Variants in MYBPC1 observed in about 807,000 individuals in gnomAD.
MYBPC1 encodes myosin-binding protein C, slow-type.
A neutral mutation model predicts 147.1 loss-of-function variants in MYBPC1; 52 were observed. The observed-to-expected ratio is 0.35, with a 90% confidence interval of 0.28 to 0.45. MYBPC1 has a LOEUF of 0.45. Among genes scored for constraint, MYBPC1 ranks in the 20% least tolerant of loss-of-function variants. MYBPC1 has a pLI of 1.00. For missense variants in MYBPC1, 1,228 were observed against 1,440.3 expected, an observed-to-expected ratio of 0.85 and a Z score of 2.39; for synonymous variants, 477 against 475.9, an observed-to-expected ratio of 1.00 and a Z score of -0.03.
intron 6 of MYBPC1, 93 bp downstream of exon 6, chr12:101,629,637 TC>T: frequency 1.2e-6 from 1 of 860,120 alleles, no homozygotes; most frequent in Non-Finnish European, 1.9e-6. Context: ...CTCTGGGAGG[TC>T]CAGACAGGCA....
At position 101,646,999 on chromosome 12, in the gene MYBPC1, A is replaced by T. The variant is rs1893299741; in HGVS notation, c.1090+112A>T. ...TCCTCTACACTGGCAGCTATTATGG[A>T]TCCTAATGAGTCTTCTGGTTTGTTG... is the stretch of plus-strand genomic sequence containing the variant. On this transcript the variant is annotated intron_variant, in intron 13 of 31. Transcript: ENST00000361466. 50 of 1,374,146 alleles carry T rather than the reference A, an allele frequency of 3.6e-5. No individual in the cohort carries two copies. The South Asian group carries it at 5.9e-4, about 16-fold the overall frequency. 85.1% of individuals were successfully genotyped at this position (1,374,146 alleles called of 1,614,324 possible). A position where few individuals can be genotyped will look rare whatever the true frequency, so the allele number is the denominator to read the frequency against.
At position 101,631,725 on chromosome 12, in the gene MYBPC1, GC is replaced by G; in HGVS notation, c.438+9del. ...CCTTTGAGAGGCACAGTCGGGTAAGGCCCTGAACTCCCAGGACAGGCGCTCA... is the reference window on the plus strand; with the variant it reads ...CCTTTGAGAGGCACAGTCGGGTAAGGCCTGAACTCCCAGGACAGGCGCTCA... On this transcript the variant is annotated splice_region_variant and intron_variant, in intron 7 of 31. Transcript: ENST00000361466. 6.2e-7 allele frequency: 1 copy of G among 1,614,014 alleles called. No individual in the cohort carries two copies. Among genetic ancestry groups the G allele is most frequent in the Non-Finnish European group, 8.5e-7 (1 of 1,180,036 alleles).
chr12:101,612,893 T>A (rs537444069), intron 1 of MYBPC1, among the ~76,000 whole-genome samples: 1 of 152,258 alleles, frequency 6.6e-6, no homozygotes, highest in Non-Finnish European at 1.5e-5. Flanking sequence ...CCCTAGTGAT[T>A]CTTTCCATGA....
rs534708736 is a variant in MYBPC1, at chr12:101,629,996, C to A, written c.289+452C>A. On this transcript the variant is annotated intron_variant, in intron 6 of 31. Transcript: ENST00000361466. ...CCACTACTTCTATCTATTTCTAAAACATTTTCATCACCCCAAAAAGACCCT... is the reference window on the plus strand; with the variant it reads ...CCACTACTTCTATCTATTTCTAAAAAATTTTCATCACCCCAAAAAGACCCT... 2.1e-3 allele frequency among the ~76,000 whole-genome samples: 323 copies of A among 152,272 alleles called. 2 individuals are homozygous for A. The highest frequency in any genetic ancestry group is 7.4e-3 in the African/African-American group (307 of 41,554).
rs1473709452 is a variant in MYBPC1 at position 101,617,318 on chromosome 12, T to C, written c.103+75T>C. The stretch of plus-strand genomic sequence containing the variant: ...AGAAAGAAGTCAGTAATGATTGTCA[T>C]GGTGGCTCCATAGAATTTCTCTGCA... On this transcript the variant is annotated intron_variant, in intron 3 of 31. Coordinates refer to ENST00000361466, the MANE Select transcript of MYBPC1 (RefSeq NM_002465.4). The C allele has an allele frequency of 4.1e-6, 6 of 1,462,852 alleles. No homozygotes were observed. The Admixed American group carries it at 8.7e-5, about 21-fold the overall frequency. The allele number at this position is 1,462,852 out of a possible 1,614,324, so 90.6% of individuals were successfully genotyped here. A position where few individuals can be genotyped will look rare whatever the true frequency, so the allele number is the denominator to read the frequency against.
chr12:101,667,580 A>G (rs1397926849), intron 22 of MYBPC1, 152 bp from the exon 23 acceptor site: 7 of 795,550 alleles, frequency 8.8e-6, no homozygotes, highest in Admixed American at 2.2e-5. Context: ...ATGTCCACCC[A>G]TGTAGTCGGA....
downstream of MYBPC1, among the ~76,000 whole-genome samples, chr12:101,688,148 G>A (rs559525718): frequency 5.3e-5 from 8 of 152,254 alleles, 1 homozygote; most frequent in South Asian, 1.2e-3. Flanking sequence ...GGCTGGGCAC[G>A]GTGGCTCATG....
At chr12:101,649,503 T>A in intron 15 of MYBPC1, 77 bp downstream of exon 15, 1 of 1,517,470 alleles carries the variant, frequency 6.6e-7, no homozygotes, top group Non-Finnish European at 9.1e-7. Flanking sequence ...CAGAAAAGTT[T>A]CTATTTGATT....
Position 101,666,930 on chromosome 12 carries a change from TAC to T in MYBPC1, c.2357-790_2357-789del, listed in dbSNP as rs564354596. 2.2e-3 allele frequency: 814 copies of T among 376,922 alleles called. 17 individuals carry two copies. The highest frequency in any genetic ancestry group is 0.016 in the African/African-American group (703 of 43,540). The allele number at this position is 376,922 out of a possible 1,614,324, so 23.3% of individuals were successfully genotyped here. ...ACACACACACACACACACACACACA[TAC>T]ACACACACACATCCTTAGAGATGGG... On this transcript the variant is annotated intron_variant, in intron 22 of 31. Coordinates refer to ENST00000361466, the MANE Select transcript of MYBPC1 (RefSeq NM_002465.4).
At chr12:101,680,550 C>CTTTA in intron 29 of MYBPC1, 21 bp downstream of exon 29, 1 of 1,608,920 alleles carries the variant, frequency 6.2e-7, no homozygotes, top group Non-Finnish European at 8.5e-7. Context: ...CAATATCTCA[C>CTTTA]GTATAGACTA....
intron 28 of MYBPC1, among the ~76,000 whole-genome samples, chr12:101,679,148 C>CAA (rs61500343): frequency 7.5e-4 from 79 of 105,982 alleles, no homozygotes; most frequent in African/African-American, 2.5e-3. Context: ...GACTCCGTCT[C>CAA]AAAAAAAAAA....
In MYBPC1 at chr12:101,651,734, A is replaced by G. The variant is rs559000810; in HGVS notation, c.1526+341A>G. On this transcript the variant is annotated intron_variant, in intron 16 of 31. Transcript: ENST00000361466. The stretch of plus-strand genomic sequence containing the variant: ...GGCAGACGGATCAATTGAGCTCAGG[A>G]GTTCAAGAGCTCCTGGGCTACATGG... 3.9e-5 allele frequency among the ~76,000 whole-genome samples: 6 copies of G among 152,256 alleles called. No homozygotes were observed. The East Asian group carries it at 1.2e-3, about 29-fold the overall frequency.
rs756306829 is a variant in MYBPC1, at chr12:101,662,566, T to A, written c.2221+20T>A. ...CTTTGGGTAAGTCAAGAGAGATGAGTCTTTGTCATCAGAATCATTGCCCCA... is the reference window on the plus strand; with the variant it reads ...CTTTGGGTAAGTCAAGAGAGATGAGACTTTGTCATCAGAATCATTGCCCCA... On this transcript the variant is annotated intron_variant, in intron 21 of 31. Coordinates refer to ENST00000361466, the MANE Select transcript of MYBPC1 (RefSeq NM_002465.4). 3 of 1,611,590 alleles carry A rather than the reference T, an allele frequency of 1.9e-6. No homozygotes were observed. Among genetic ancestry groups the A allele is most frequent in the African/African-American group, 2.7e-5 (2 of 74,828 alleles).
chr12:101,678,359 A>G lies in MYBPC1; in HGVS notation c.3246+121A>G, dbSNP rs538852035. On this transcript the variant is annotated intron_variant, in intron 28 of 31. Transcript: ENST00000361466. ...GTGTCTTCCCAGGATGGGGGATTAG[A>G]AGGTGGTAGTGGTGGTAGATTATTA... The G allele has an allele frequency of 3.7e-5, 52 of 1,404,286 alleles. No homozygotes were observed. The South Asian group carries it at 3.8e-4, about 10-fold the overall frequency. 87.0% of individuals were successfully genotyped at this position (1,404,286 alleles called of 1,614,324 possible).
chr12:101,685,811 G>GA lies in MYBPC1; in HGVS notation c.*265dup, dbSNP rs11417395. 123,823 of 356,884 alleles carry GA rather than the reference G, an allele frequency of 0.35. 12,944 individuals are homozygous for GA. Among genetic ancestry groups the GA allele is most frequent in the African/African-American group, 0.43 (16,065 of 37,584 alleles). The allele number at this position is 356,884 out of a possible 1,614,324, so 22.1% of individuals were successfully genotyped here. On this transcript the variant is annotated 3_prime_UTR_variant, in exon 32 of 32. Coordinates refer to ENST00000361466, the MANE Select transcript of MYBPC1 (RefSeq NM_002465.4). ...TTTTCTTTCCTCCTAATGTTGAAGA[G>GA]AAAAAAAAAAAAAAAAGTTTGCCCA...
chr12:101,600,314 T>A (rs1879366982), intron 1 of MYBPC1: 1 of 151,904 alleles, frequency 6.6e-6, no homozygotes, highest in Non-Finnish European at 1.5e-5. Flanking sequence ...TTTTTTTTTT[T>A]AGGCTCTGTA....
At chr12:101,664,044 T>C (rs2056725) in intron 22 of MYBPC1, among the ~76,000 whole-genome samples, 102,838 of 152,066 alleles carry the variant, frequency 0.68, 35,607 homozygotes, top group Admixed American at 0.8. Context: ...AATTAAGAAC[T>C]GCTCTTAGTT....
intron 1 of MYBPC1, among the ~76,000 whole-genome samples, chr12:101,611,731 T>G (rs911655433): frequency 2.6e-5 from 4 of 152,098 alleles, no homozygotes; most frequent in African/African-American, 9.7e-5. Context: ...GAAAAGAGAA[T>G]GTGTTATGAT....
Position 101,626,920 on chromosome 12 carries a change from A to G in MYBPC1, c.142+10A>G, listed in dbSNP as rs1166293190. On this transcript the variant is annotated intron_variant, in intron 4 of 31. Transcript: ENST00000361466. Reference sequence around the variant, plus strand: ...AGCGCCTTGCCTCCAGGTTGGGATAATTTCTACCCTTTTCCCTGCTTTTAA... The same window carrying G: ...AGCGCCTTGCCTCCAGGTTGGGATAGTTTCTACCCTTTTCCCTGCTTTTAA... The G allele has an allele frequency of 3.7e-6, 6 of 1,605,624 alleles. No individual in the cohort carries two copies. The highest frequency in any genetic ancestry group is 5.1e-6 in the Non-Finnish European group (6 of 1,172,292).
Sources: allele counts gnomAD v4.1 joint callset (sites outside exome capture counted in the v4.1 genomes callset), GRCh38; gene constraint gnomAD v4.1.1; transcripts MANE v1.5; gene names NCBI Gene and HGNC (gene_info 2026-07-23, HGNC 2026-07-21).